The following APTX variants were observed in gnomAD, a reference collection of about 807,000 sequenced individuals.
The protein encoded by APTX is aprataxin.
In APTX, 33 loss-of-function variants were observed where a neutral mutation model predicts 42.3. That is an observed-to-expected ratio of 0.78 (90% CI 0.59 to 1.04). The LOEUF (loss-of-function observed/expected upper bound fraction) is 1.04. Among genes scored for constraint, APTX ranks in the 50% least tolerant of loss-of-function variants. The pLI is 0.00. For synonymous variants in APTX, 130 were observed against 146.7 expected (o/e 0.89, Z 0.82); for missense variants, 421 against 415.1 (o/e 1.01, Z -0.12).
At chr9:32,990,753 G>A (rs1380222141) in intron 1 of APTX, among the ~76,000 whole-genome samples, 1 of 152,196 alleles carries the variant, frequency 6.6e-6, no homozygotes, top group Admixed American at 6.5e-5. Flanking sequence ...AGGATGAGAA[G>A]GAGTTTGCCT....
chr9:32,978,635 T>C (rs12057078), intron 6 of APTX, among the ~76,000 whole-genome samples: 6 of 152,248 alleles, frequency 3.9e-5, no homozygotes, highest in East Asian at 3.9e-4. Flanking sequence ...GATGATGAAA[T>C]GAAAGAAATA....
chr9:33,001,913 C>T (rs1836640628), upstream of APTX, among the ~76,000 whole-genome samples: 1 of 152,196 alleles, frequency 6.6e-6, no homozygotes. Flanking sequence ...TTCTAGGTGG[C>T]TGTGCAGCTT....
intron 1 of APTX, among the ~76,000 whole-genome samples, chr9:33,020,459 G>A (rs566499980): frequency 2.0e-5 from 3 of 151,984 alleles, no homozygotes; most frequent in East Asian, 1.9e-4. Flanking sequence ...TGATCTCATC[G>A]CTCACCATAA....
At chr9:33,013,495 G>A (rs1456123201) in intron 1 of APTX, among the ~76,000 whole-genome samples, 1 of 152,216 alleles carries the variant, frequency 6.6e-6, no homozygotes, top group Non-Finnish European at 1.5e-5. Flanking sequence ...ACAACATCAT[G>A]ACTAGGCAGG....
intron 6 of APTX, among the ~76,000 whole-genome samples, chr9:32,977,317 T>C (rs890404689): frequency 1.3e-5 from 2 of 151,268 alleles, no homozygotes; most frequent in African/African-American, 4.9e-5. Context: ...GAGACCCTCA[T>C]CTCTAAAAAA....
At chr9:33,019,739 C>T (rs751110296) in intron 1 of APTX, 2 of 573,684 alleles carry the variant, frequency 3.5e-6, no homozygotes, top group Non-Finnish European at 6.0e-6. Context: ...CTGCAGGGTC[C>T]GCACCACCAG....
intron 2 of APTX, among the ~76,000 whole-genome samples, chr9:32,989,086 C>T (rs1429090965): frequency 3.9e-5 from 6 of 152,204 alleles, no homozygotes; most frequent in Admixed American, 6.5e-5. Flanking sequence ...GAGAGAGAAG[C>T]AGCCACTGCT....
intron 1 of APTX, among the ~76,000 whole-genome samples, chr9:32,999,604 T>C (rs575161941): frequency 9.2e-5 from 14 of 152,362 alleles, no homozygotes; most frequent in Non-Finnish European, 1.8e-4. Flanking sequence ...TAAATCTTGA[T>C]GACTTTAAAA....
chr9:33,012,048 T>G (rs1283145658), intron 1 of APTX, among the ~76,000 whole-genome samples: 1 of 152,226 alleles, frequency 6.6e-6, no homozygotes, highest in Non-Finnish European at 1.5e-5. Flanking sequence ...TTTGTCATTC[T>G]TTTCACAAGC....
intron 1 of APTX, among the ~76,000 whole-genome samples, chr9:33,014,662 G>A (rs534313788): frequency 6.6e-6 from 1 of 152,320 alleles, no homozygotes; most frequent in South Asian, 2.1e-4. Context: ...AACACTTCTT[G>A]ACACTTGCTA....
At position 32,972,795 on chromosome 9, in the gene APTX, G is replaced by C. The variant is rs1314785164; in HGVS notation, c.*703C>G. ...AATTAACTTTATTTTCAGACAACAGGTCCAAGAAGACTTCACAGCTCAATC... is the reference window on the plus strand; with the variant it reads ...AATTAACTTTATTTTCAGACAACAGCTCCAAGAAGACTTCACAGCTCAATC... On this transcript the variant is annotated 3_prime_UTR_variant, in exon 8 of 8. Coordinates refer to ENST00000379817, the MANE Select transcript of APTX (RefSeq NM_001195248.2). 6.6e-6 allele frequency: 3 copies of C among 453,978 alleles called. No homozygotes were observed. Among genetic ancestry groups the C allele is most frequent in the Admixed American group, 2.3e-5 (1 of 42,556 alleles). 28.1% of individuals were successfully genotyped at this position (453,978 alleles called of 1,614,324 possible).
intron 1 of APTX, among the ~76,000 whole-genome samples, chr9:33,011,181 AGT>A (rs1837515458): frequency 6.6e-6 from 1 of 152,138 alleles, no homozygotes; most frequent in Non-Finnish European, 1.5e-5. Flanking sequence ...ATGTCTTGGT[AGT>A]GTGGGAGGCC....
At chr9:33,003,999 T>C (rs116384953), upstream of APTX, among the ~76,000 whole-genome samples, 1,100 of 152,334 alleles carry the variant, frequency 7.2e-3, 18 homozygotes, top group African/African-American at 0.025. Context: ...AATTTGCAAT[T>C]GCAAGAACAT....
chr9:32,986,533 G>A (rs752905538), intron 4 of APTX, among the ~76,000 whole-genome samples: 16 of 147,804 alleles, frequency 1.1e-4, no homozygotes, highest in Non-Finnish European at 1.5e-4. Context: ...ATGGGGTTTC[G>A]CTCTTGTTGC....
chr9:33,009,743 C>G (rs1346113622), intron 1 of APTX, among the ~76,000 whole-genome samples: 14 of 152,060 alleles, frequency 9.2e-5, no homozygotes, highest in Non-Finnish European at 1.8e-4. Flanking sequence ...TATGCCACTG[C>G]ACTCCAGCCC....
At position 32,986,477 on chromosome 9, in the gene APTX, G is replaced by A. The variant is rs376956301; in HGVS notation, c.484-447C>T. Reference sequence around the variant, plus strand: ...CTCCCCAAGTGCTGGGATTACAGGCGTGAGCCACCACACCCGACCCTATAT... The same window carrying A: ...CTCCCCAAGTGCTGGGATTACAGGCATGAGCCACCACACCCGACCCTATAT... On this transcript the variant is annotated intron_variant, in intron 4 of 7. Coordinates refer to ENST00000379817, the MANE Select transcript of APTX (RefSeq NM_001195248.2). 5.3e-5 allele frequency among the ~76,000 whole-genome samples: 8 copies of A among 152,040 alleles called. No individual in the cohort carries two copies. The East Asian group carries it at 5.8e-4, about 11-fold the overall frequency.
In APTX at chr9:32,973,832, A is replaced by G; in HGVS notation, c.875-180T>C. 3 of 768,030 alleles carry G rather than the reference A, an allele frequency of 3.9e-6. No homozygotes were observed. The South Asian group carries it at 4.6e-5, about 12-fold the overall frequency. 47.6% of individuals were successfully genotyped at this position (768,030 alleles called of 1,614,324 possible). A position where few individuals can be genotyped will look rare whatever the true frequency, so the allele number is the denominator to read the frequency against. ...CAAAATGAGCTTAATCAGATTATAA[A>G]TATGAGCAACCCACCTTTGAAATAA... On this transcript the variant is annotated intron_variant, in intron 7 of 7. Transcript: ENST00000379817.
chr9:32,985,500 A>T lies in APTX; in HGVS notation c.543+471T>A, dbSNP rs557917453. 1.8e-3 allele frequency among the ~76,000 whole-genome samples: 273 copies of T among 151,838 alleles called. 1 individual carries two copies. Among genetic ancestry groups the T allele is most frequent in the Non-Finnish European group, 3.0e-3 (202 of 67,922 alleles). On this transcript the variant is annotated intron_variant, in intron 5 of 7. Coordinates refer to ENST00000379817, the MANE Select transcript of APTX (RefSeq NM_001195248.2). ...CAGGCATGCACCACCATGCCCAGCT[A>T]ATTTTTTGTATTTTTAGTAGAGACA...
intron 5 of APTX, among the ~76,000 whole-genome samples, chr9:32,985,583 G>A (rs1182947270): frequency 2.0e-5 from 3 of 151,962 alleles, no homozygotes; most frequent in African/African-American, 4.8e-5. Flanking sequence ...TGATCCTCCC[G>A]TCTCGGCCTC....
Sources: allele counts gnomAD v4.1 joint callset (sites outside exome capture counted in the v4.1 genomes callset), GRCh38; gene constraint gnomAD v4.1.1; transcripts MANE v1.5; gene names NCBI Gene and HGNC (gene_info 2026-07-23, HGNC 2026-07-21).